STAG1: variants seen among roughly 807,000 people sequenced by gnomAD.
The protein encoded by STAG1 is cohesin subunit SA-1.
In STAG1, 26 loss-of-function variants were observed where a neutral mutation model predicts 170.9. The observed-to-expected ratio is 0.15, with a 90% confidence interval of 0.11 to 0.21. The LOEUF (loss-of-function observed/expected upper bound fraction) is 0.21, where lower values mean the gene tolerates loss of function less well. STAG1 is among the 10% of genes least tolerant of loss of function. The pLI, the probability that STAG1 is intolerant of heterozygous loss-of-function variation, is 1.00. For synonymous variants in STAG1, 514 were observed against 497.7 expected, an observed-to-expected ratio of 1.03 and a Z score of -0.44; for missense variants, 964 against 1,509.5, an observed-to-expected ratio of 0.64 and a Z score of 5.99.
At chr3:136,525,609 G>A (rs1363021481) in intron 6 of STAG1, among the ~76,000 whole-genome samples, 1 of 152,032 alleles carries the variant, frequency 6.6e-6, no homozygotes, top group Admixed American at 6.6e-5. Flanking sequence ...GTTCTGCTCT[G>A]ATCTTAGTTA....
At chr3:136,496,837 AATAAG>A (rs2089229040) in intron 9 of STAG1, among the ~76,000 whole-genome samples, 2 of 152,118 alleles carry the variant, frequency 1.3e-5, no homozygotes, top group East Asian at 3.8e-4. Flanking sequence ...TTCAATATAA[AATAAG>A]ATAAAATAGC....
intron 4 of STAG1, among the ~76,000 whole-genome samples, chr3:136,595,124 G>T (rs769074335): frequency 6.6e-6 from 1 of 152,090 alleles, no homozygotes; most frequent in Admixed American, 6.6e-5. Context: ...AATGCCAATG[G>T]ATTACAGAAA....
intron 15 of STAG1, among the ~76,000 whole-genome samples, chr3:136,436,282 A>G (rs2088459745): frequency 6.6e-6 from 1 of 150,740 alleles, no homozygotes; most frequent in Non-Finnish European, 1.5e-5. Flanking sequence ...TTAAACTCAG[A>G]TATTTTTGGT....
intron 5 of STAG1, among the ~76,000 whole-genome samples, chr3:136,555,107 AT>A (rs1936556843): frequency 6.8e-6 from 1 of 147,924 alleles, no homozygotes; most frequent in Non-Finnish European, 1.5e-5. Context: ...TATAATATAT[AT>A]ATTATAAATA....
At chr3:136,567,738 T>C (rs1464069560) in intron 5 of STAG1, among the ~76,000 whole-genome samples, 1 of 152,174 alleles carries the variant, frequency 6.6e-6, no homozygotes, top group Non-Finnish European at 1.5e-5. Context: ...CAGTTTGCAA[T>C]GTACAAGATA....
chr3:136,396,563 T>C (rs2087165994), intron 22 of STAG1, among the ~76,000 whole-genome samples: 1 of 105,722 alleles, frequency 9.5e-6, no homozygotes, highest in African/African-American at 3.7e-5. Context: ...AGTCTCGCTC[T>C]ATCGCCCAGG....
rs60449608 is a variant in STAG1, at chr3:136,613,313, CAAAAAAAAA to C, written c.133-8849_133-8841del. Among the ~76,000 whole-genome samples, 39 of 59,762 alleles carry C rather than the reference CAAAAAAAAA, an allele frequency of 6.5e-4. 1 individual carries two copies. The highest frequency in any genetic ancestry group is 2.4e-3 in the African/African-American group (35 of 14,364). The allele number at this position is 59,762 out of a possible 152,430, so 39.2% of individuals were successfully genotyped here. A position where few individuals can be genotyped will look rare whatever the true frequency, so the allele number is the denominator to read the frequency against. On this transcript the variant is annotated intron_variant, in intron 3 of 33. Transcript: ENST00000383202. ...AAGTGAACAGAGTGAGACTCCGTCT[CAAAAAAAAA>C]AAAAAAAAAAAAAGAAATCAGAGTT...
At chr3:136,669,447 G>A (rs192018050) in intron 1 of STAG1, among the ~76,000 whole-genome samples, 144 of 152,112 alleles carry the variant, frequency 9.5e-4, no homozygotes, top group African/African-American at 3.2e-3. Context: ...TTGAACCCCC[G>A]GGCTCAAGCA....
chr3:136,535,360 A>G (rs1306169860), intron 6 of STAG1, among the ~76,000 whole-genome samples: 13 of 152,194 alleles, frequency 8.5e-5, no homozygotes, highest in Admixed American at 8.5e-4. Flanking sequence ...TATATTATAT[A>G]TTTCAAAATA....
At position 136,463,790 on chromosome 3, in the gene STAG1, CATATACAT is replaced by C. The variant is rs1452694559; in HGVS notation, c.1313+1083_1313+1090del. On this transcript the variant is annotated intron_variant, in intron 13 of 33. Coordinates refer to ENST00000383202, the MANE Select transcript of STAG1 (RefSeq NM_005862.3). ...GTGTATACACACACACACACACACACATATACATATACATACATATATACACATATATT... is the reference window on the plus strand; with the variant it reads ...GTGTATACACACACACACACACACACATACATACATATATACACATATATT... Among the ~76,000 whole-genome samples the C allele has an allele frequency of 8.1e-5, 11 of 135,762 alleles. No homozygotes were observed. The South Asian group carries it at 9.2e-4, about 11-fold the overall frequency. 89.1% of individuals were successfully genotyped at this position (135,762 alleles called of 152,430 possible). A position where few individuals can be genotyped will look rare whatever the true frequency, so the allele number is the denominator to read the frequency against.
intron 28 of STAG1, among the ~76,000 whole-genome samples, chr3:136,350,300 G>GT (rs1284508643): frequency 1.3e-5 from 2 of 152,104 alleles, no homozygotes; most frequent in African/African-American, 4.8e-5. Flanking sequence ...AGAAGATGGG[G>GT]GTTCCCTCTC....
chr3:136,430,611 G>A (rs958391078), intron 16 of STAG1, among the ~76,000 whole-genome samples: 1 of 137,210 alleles, frequency 7.3e-6, no homozygotes, highest in African/African-American at 2.7e-5. Context: ...TACCACTAAC[G>A]ATAGCTGAAG....
At chr3:136,371,808 C>A (rs1937353991) in intron 23 of STAG1, among the ~76,000 whole-genome samples, 1 of 152,146 alleles carries the variant, frequency 6.6e-6, no homozygotes, top group Admixed American at 6.5e-5. Flanking sequence ...CAGCTTTGTT[C>A]TTTTGGCTTA....
At chr3:136,633,700 T>A (rs1576693093) in intron 1 of STAG1, among the ~76,000 whole-genome samples, 1 of 34,404 alleles carries the variant, frequency 2.9e-5, no homozygotes, top group African/African-American at 1.2e-4. Context: ...AGTTTCCATA[T>A]CAAAAAAAAA....
intron 5 of STAG1, among the ~76,000 whole-genome samples, chr3:136,562,703 T>C (rs559280322): frequency 6.6e-6 from 1 of 152,318 alleles, no homozygotes; most frequent in African/African-American, 2.4e-5. Flanking sequence ...TTCTCCTGCC[T>C]CAGCCTCCCA....
At chr3:136,500,696 C>T (rs189046096) in intron 8 of STAG1, among the ~76,000 whole-genome samples, 1 of 152,328 alleles carries the variant, frequency 6.6e-6, no homozygotes, top group African/African-American at 2.4e-5. Context: ...CTAAAAGTAA[C>T]TTCCTACTCC....
intron 1 of STAG1, among the ~76,000 whole-genome samples, chr3:136,719,657 GGGTGGGTA>G (rs1228094865): frequency 8.9e-6 from 1 of 111,804 alleles, no homozygotes. Context: ...GTAGGTGGGT[GGGTGGGTA>G]GGTGGGTGGG....
chr3:136,736,079 C>A (rs1045103360), intron 1 of STAG1, among the ~76,000 whole-genome samples: 3 of 152,234 alleles, frequency 2.0e-5, no homozygotes, highest in Non-Finnish European at 4.4e-5. Flanking sequence ...AGCGAAGGGG[C>A]TTCCTAAGGT....
chr3:136,428,605 T>C lies in STAG1; in HGVS notation c.1650+4951A>G, dbSNP rs541393420. Among the ~76,000 whole-genome samples the C allele has an allele frequency of 3.3e-5, 5 of 152,304 alleles. No individual in the cohort carries two copies. The South Asian group carries it at 8.3e-4, about 25-fold the overall frequency. ...TCAACACTATTGAAGAGAACCCTGA[T>C]AGAATATGATGGAAGTCTGGAAGAA... On this transcript the variant is annotated intron_variant, in intron 16 of 33. Transcript: ENST00000383202.
Sources: allele counts gnomAD v4.1 joint callset (sites outside exome capture counted in the v4.1 genomes callset), GRCh38; gene constraint gnomAD v4.1.1; transcripts MANE v1.5; gene names NCBI Gene and HGNC (gene_info 2026-07-23, HGNC 2026-07-21).